The following TTN variants were observed in gnomAD, a reference collection of about 807,000 sequenced individuals.
The protein encoded by TTN is titin.
In TTN, 1,525 loss-of-function variants were observed where a neutral mutation model predicts 3,223.0. The ratio of observed to expected loss-of-function variants is 0.47; its 90% confidence interval spans 0.45 to 0.49. TTN has a LOEUF of 0.49. Among genes scored for constraint, TTN ranks in the 20% least tolerant of loss-of-function variants. The probability of loss-of-function intolerance (pLI) is 0.00; values close to 1 mark genes in which losing one functional copy is unlikely to be tolerated. For missense variants in TTN, 40,786 were observed against 43,424.0 expected, an observed-to-expected ratio of 0.94 and a Z score of 5.40; for synonymous variants, 14,094 against 15,161.0, an observed-to-expected ratio of 0.93 and a Z score of 5.17.
chr2:178,573,078 C>T lies in TTN; in HGVS notation c.73054G>A (p.Gly24352Ser). 1 of 1,613,256 alleles carries T rather than the reference C, an allele frequency of 6.2e-7. No homozygotes were observed. The highest frequency in any genetic ancestry group is 1.1e-5 in the South Asian group (1 of 91,062). ...IAWNKPIYDGGSEITGYMVEI... is the reference protein window; with the variant it reads ...IAWNKPIYDGSSEITGYMVEI... Reference sequence around the variant, plus strand: ...ACCATATACCCAGTGATTTCTGAACCACCATCATAGATAGGTTTATTCCAA... The same window carrying T: ...ACCATATACCCAGTGATTTCTGAACTACCATCATAGATAGGTTTATTCCAA... Residue 24352 changes from glycine (G) to serine (S), a missense_variant, in exon 326 of 363, where the codon GGT (glycine) becomes AGT (serine). Physicochemically the swap from Gly to Ser is moderately conservative, Grantham distance 56. Transcript: ENST00000589042.
Position 178,572,119 on chromosome 2 carries a change from G to C in TTN, c.74013C>G (p.Val24671=). The C allele has an allele frequency of 6.2e-7, 1 of 1,613,200 alleles. No homozygotes were observed. Among genetic ancestry groups the C allele is most frequent in the Non-Finnish European group, 8.5e-7 (1 of 1,179,522 alleles). Residue 24671 remains valine, a synonymous_variant, in exon 326 of 363, where the codon GTC becomes GTG. Transcript: ENST00000589042. ...DKWATCATVK[V]TEATITGLIQ... ...TTAATCCAGTGATAGTGGCTTCAGT[G>C]ACCTTGACTGTGGCACACGTGGCCC...
rs1336810106 is a variant in TTN, at chr2:178,681,065, G to T, written c.33340+14C>A. 1.3e-6 allele frequency: 2 copies of T among 1,580,152 alleles called. No homozygotes were observed. The highest frequency in any genetic ancestry group is 1.9e-5 in the Admixed American group (1 of 52,688). On this transcript the variant is annotated intron_variant, in intron 138 of 362. Coordinates refer to ENST00000589042, the MANE Select transcript of TTN (RefSeq NM_001267550.2). Reference sequence around the variant, plus strand: ...ATCAGAAAAGATCACAATCGAGGAAGGAAATCATTATACCTTTAGCAGCGG... The same window carrying T: ...ATCAGAAAAGATCACAATCGAGGAATGAAATCATTATACCTTTAGCAGCGG...
intron 38 of TTN, 84 bp downstream of exon 38, chr2:178,768,589 T>G (rs987616772): frequency 1.3e-6 from 2 of 1,583,242 alleles, no homozygotes; most frequent in African/African-American, 2.7e-5. Context: ...CACATTTTAT[T>G]TATCCATTCA....
At chr2:178,689,669 C>T in intron 122 of TTN, 74 bp from the exon 123 acceptor site, 1 of 1,475,316 alleles carries the variant, frequency 6.8e-7, no homozygotes, top group Non-Finnish European at 9.2e-7. Flanking sequence ...TTTAAGAAAG[C>T]AGACGGGTGG....
At chr2:178,800,262 G>C (rs890672165) in intron 4 of TTN, 133 bp downstream of exon 4, 6 of 1,263,320 alleles carry the variant, frequency 4.7e-6, no homozygotes, top group Non-Finnish European at 6.6e-6. Context: ...CATGGGTGTC[G>C]AAAAGCCAGC....
rs775225695 is a variant in TTN at position 178,625,396 on chromosome 2, C to A, written c.44425G>T (p.Val14809Leu). 10 of 1,546,818 alleles carry A rather than the reference C, an allele frequency of 6.5e-6. No individual in the cohort carries two copies. The South Asian group carries it at 1.3e-4, about 20-fold the overall frequency. Residue 14809 changes from valine (V) to leucine (L), a missense_variant and splice_region_variant, in exon 241 of 363, where the codon GTG (valine) becomes TTG (leucine). Coordinates refer to ENST00000589042, the MANE Select transcript of TTN (RefSeq NM_001267550.2). ...ACTTTTCCTTCTGAACGTGGGACCA[C>A]CTAGTTGTTTTTAAAAAAAGAATAC... ...KGKKLEPSDK[V>L]VPRSEGKVHT...
chr2:178,712,352 A>G lies in TTN; in HGVS notation c.27570T>C (p.Ser9190=). 1 of 1,613,826 alleles carries G rather than the reference A, an allele frequency of 6.2e-7. No homozygotes were observed. The highest frequency in any genetic ancestry group is 8.5e-7 in the Non-Finnish European group (1 of 1,179,788). The change falls in exon 95 of 363, where the codon TCT becomes TCC. Residue 9190 remains serine, a synonymous_variant. Coordinates refer to ENST00000589042, the MANE Select transcript of TTN (RefSeq NM_001267550.2). ...GQYNCYIENA[S]GKDSCSAQIL... is the part of the protein sequence containing the mutation. ...TTTGTGCTGAACAGGAATCTTTTCC[A>G]GAGGCATTTTCAATGTAGCAGTTGT...
chr2:178,782,101 C>T, intron 20 of TTN, 111 bp downstream of exon 20: 1 of 1,269,588 alleles, frequency 7.9e-7, no homozygotes, highest in Non-Finnish European at 1.1e-6. Flanking sequence ...AAGAAGGCTC[C>T]ACAATGAAAG....
intron 316 of TTN, among the ~76,000 whole-genome samples, chr2:178,581,223 AT>A (rs1220537316): frequency 6.6e-6 from 1 of 152,066 alleles, no homozygotes; most frequent in Non-Finnish European, 1.5e-5. Context: ...CTAAAATAAA[AT>A]TCTTACATTC....
rs1692018478 is a variant in TTN at position 178,537,250 on chromosome 2, G to T, written c.99866-7C>A. The T allele has an allele frequency of 6.3e-7, 1 of 1,576,594 alleles. No homozygotes were observed. Among genetic ancestry groups the T allele is most frequent in the Non-Finnish European group, 8.6e-7 (1 of 1,161,280 alleles). ...GTAGGTTTGTCTGGTTTATCTGTTG[G>T]GGGAAAATACAATTGTGGTGGTTTT... On this transcript the variant is annotated splice_region_variant and splice_polypyrimidine_tract_variant and intron_variant, in intron 355 of 362. Transcript: ENST00000589042.
chr2:178,722,370 C>T lies in TTN; in HGVS notation c.22417G>A (p.Val7473Met), dbSNP rs775242103. 9 of 1,613,260 alleles carry T rather than the reference C, an allele frequency of 5.6e-6. No homozygotes were observed. The highest frequency in any genetic ancestry group is 7.6e-6 in the Non-Finnish European group (9 of 1,179,572). Residue 7473 changes from valine (V) to methionine (M), a missense_variant, in exon 77 of 363, where the codon GTG becomes ATG. Transcript: ENST00000589042. ...ENLQTSFVDN[V>M]ATLKILQTDL... ...GTTTGCAAAATTTTTAAAGTTGCCA[C>T]ATTATCTACAAATGAAGTCTGTAGA...
At position 178,701,209 on chromosome 2, in the gene TTN, G is replaced by A. The variant is rs372535015; in HGVS notation, c.30599-6C>T. The A allele has an allele frequency of 6.2e-7, 1 of 1,602,110 alleles. No individual in the cohort carries two copies. Among genetic ancestry groups the A allele is most frequent in the South Asian group, 1.1e-5 (1 of 88,374 alleles). On this transcript the variant is annotated splice_polypyrimidine_tract_variant and splice_region_variant and intron_variant, in intron 110 of 362. Coordinates refer to ENST00000589042, the MANE Select transcript of TTN (RefSeq NM_001267550.2). ...AGCAACCACAGGAGGGATTTCTGAAGAAAATAAATGCCGTTAGTAACATGT... is the reference window on the plus strand; with the variant it reads ...AGCAACCACAGGAGGGATTTCTGAAAAAAATAAATGCCGTTAGTAACATGT...
In TTN at chr2:178,675,691, G is replaced by A; in HGVS notation, c.34517C>T (p.Ala11506Val). 7.0e-7 allele frequency: 1 copy of A among 1,420,156 alleles called. No homozygotes were observed. 88.0% of individuals were successfully genotyped at this position (1,420,156 alleles called of 1,614,324 possible). Reference sequence around the variant, plus strand: ...TGTACCTTTGGCAGGAGGGGCCACTGCTTTCTTAAGACCAGGAGGAGGGAC... The same window carrying A: ...TGTACCTTTGGCAGGAGGGGCCACTACTTTCTTAAGACCAGGAGGAGGGAC... ...KKVPPPGLKK[A>V]VAPPAKVPEV... The change falls in exon 149 of 363, where the codon GCA becomes GTA. Residue 11506 changes from alanine to valine, a missense_variant. Coordinates refer to ENST00000589042, the MANE Select transcript of TTN (RefSeq NM_001267550.2).
In TTN at chr2:178,608,227, A is replaced by T. The variant is rs371031259; in HGVS notation, c.52656T>A (p.Pro17552=). 6.2e-7 allele frequency: 1 copy of T among 1,605,974 alleles called. No individual in the cohort carries two copies. The highest frequency in any genetic ancestry group is 8.5e-7 in the Non-Finnish European group (1 of 1,175,500). ...FRVCAENAAG[P]GKFSPPSDPK... ...GATCTGAAGGTGGACTGAACTTTCCAGGTCCAGCTGCATTTTCAGCACATA... is the reference window on the plus strand; with the variant it reads ...GATCTGAAGGTGGACTGAACTTTCCTGGTCCAGCTGCATTTTCAGCACATA... Residue 17552 remains proline, a synonymous_variant, in exon 275 of 363, where the codon CCT becomes CCA. Coordinates refer to ENST00000589042, the MANE Select transcript of TTN (RefSeq NM_001267550.2).
chr2:178,617,078 C>T, intron 255 of TTN, 42 bp downstream of exon 255: 1 of 1,610,866 alleles, frequency 6.2e-7, no homozygotes, highest in Non-Finnish European at 8.5e-7. Flanking sequence ...CCCAAAGTAG[C>T]TATGTGCTAT....
rs727505333 is a variant in TTN, at chr2:178,722,132, G to A, written c.22531C>T (p.Pro7511Ser). ...ATGTCAAAGAAGGGAGATTTCTTGG[G>A]TTCTGGAGGATGAGAAGAAAGGCAA... ...SSSARLTARE[P>S]KKSPFFDIKP... Residue 7511 changes from proline (P) to serine (S), a missense_variant and splice_region_variant, in exon 78 of 363, where the codon CCC becomes TCC. Transcript: ENST00000589042. 19 of 1,551,726 alleles carry A rather than the reference G, an allele frequency of 1.2e-5. No individual in the cohort carries two copies. The highest frequency in any genetic ancestry group is 1.6e-5 in the Non-Finnish European group (19 of 1,152,328).
Position 178,593,197 on chromosome 2 carries a change from G to C in TTN, c.59011C>G (p.Pro19671Ala), listed in dbSNP as rs1426333344. The C allele has an allele frequency of 6.2e-7, 1 of 1,613,362 alleles. No homozygotes were observed. The highest frequency in any genetic ancestry group is 1.3e-5 in the African/African-American group (1 of 75,010). The change falls in exon 299 of 363, where the codon CCA becomes GCA. Residue 19671 changes from proline to alanine, a missense_variant. Transcript: ENST00000589042. Reference sequence around the variant, plus strand: ...CCAATTGGATCTTTAGCAAAGACTGGTTTGGATGGTGGGCTTGGATCTCCA... The same window carrying C: ...CCAATTGGATCTTTAGCAAAGACTGCTTTGGATGGTGGGCTTGGATCTCCA... ...GIGDPSPPSKPVFAKDPIAKP... is the reference protein window; with the variant it reads ...GIGDPSPPSKAVFAKDPIAKP...
chr2:178,628,204 T>C (rs1172635573), intron 240 of TTN, among the ~76,000 whole-genome samples: 1 of 152,028 alleles, frequency 6.6e-6, no homozygotes, highest in Non-Finnish European at 1.5e-5. Context: ...TTGTTGTTGT[T>C]GTTGTTTGTT....
At chr2:178,748,818 T>G (rs767294294) in intron 47 of TTN, 33 of 1,612,012 alleles carry the variant, frequency 2.0e-5, no homozygotes, top group Non-Finnish European at 2.8e-5. Context: ...TTTATTGCAA[T>G]GTTAGATGAA....
Sources: allele counts gnomAD v4.1 joint callset (sites outside exome capture counted in the v4.1 genomes callset), GRCh38; gene constraint gnomAD v4.1.1; transcripts MANE v1.5; gene names NCBI Gene and HGNC (gene_info 2026-07-23, HGNC 2026-07-21).